Variants in LY6G5C observed in about 807,000 individuals in gnomAD.
LY6G5C encodes the protein lymphocyte antigen 6 family member G5C.
A neutral mutation model predicts 10.5 loss-of-function variants in LY6G5C; 6 were observed. The observed-to-expected ratio is 0.57, with a 90% CI of 0.31 to 1.12. The LOEUF is 1.12. LY6G5C is among the 50% of genes most tolerant of loss of function. The pLI is 0.05. For missense variants in LY6G5C, 160 were observed against 185.5 expected, an observed-to-expected ratio of 0.86 and a Z score of 0.80; for synonymous variants, 69 against 67.8, an observed-to-expected ratio of 1.02 and a Z score of -0.09.
intron 2 of LY6G5C, among the ~76,000 whole-genome samples, chr6:31,678,019 G>C (rs1802676821): frequency 6.6e-6 from 1 of 152,302 alleles, no homozygotes; most frequent in South Asian, 2.1e-4. Context: ...AGTGGTTGTT[G>C]AGAGCACCAT....
rs774348019 is a variant in LY6G5C, at chr6:31,679,298, C to G, written c.122-30G>C. ...AACACAGAGAAGTGCTGACCCCACT[C>G]ACACCCCATTCTACCTCACACCCTA... is the stretch of plus-strand genomic sequence containing the variant. On this transcript the variant is annotated intron_variant, in intron 1 of 2. Coordinates refer to ENST00000383237, the Ensembl canonical transcript of LY6G5C. This position sits in a 1 kb window ranked among gnomAD's most constrained non-coding sequence, Gnocchi z 4.4. The G allele has an allele frequency of 1.9e-6, 3 of 1,612,640 alleles. No individual in the cohort carries two copies. The African/African-American group carries it at 4.0e-5, about 22-fold the overall frequency.
chr6:31,680,461 G>A, upstream of LY6G5C: 1 of 1,456,142 alleles, frequency 6.9e-7, no homozygotes, highest in Non-Finnish European at 9.2e-7. This position sits in a 1 kb window ranked among gnomAD's most constrained non-coding sequence, Gnocchi z 4.5. Context: ...AGCTCAGGGT[G>A]GAAATCAGTG....
In LY6G5C at chr6:31,679,013, G is replaced by T; in HGVS notation, c.289+88C>A. ...TTGGAGCAATGTCTTATGGGATTAT[G>T]GGAACAAGACTTGGGGTGCAGCTTA... On this transcript the variant is annotated intron_variant, in intron 2 of 2. Transcript: ENST00000383237. This position sits in a 1 kb window ranked among gnomAD's most constrained non-coding sequence, Gnocchi z 4.4. The T allele has an allele frequency of 7.3e-7, 1 of 1,374,472 alleles. No homozygotes were observed. Among genetic ancestry groups the T allele is most frequent in the South Asian group, 1.2e-5 (1 of 84,828 alleles). 85.1% of individuals were successfully genotyped at this position (1,374,472 alleles called of 1,614,324 possible).
intron 2 of LY6G5C, 92 bp from the exon 3 acceptor site, chr6:31,677,212 G>T: frequency 7.8e-7 from 1 of 1,282,870 alleles, no homozygotes. Context: ...AAAAAAAAAA[G>T]AAAAAGAAAA....
In LY6G5C at chr6:31,680,325, A is replaced by G; in HGVS notation, c.49T>C (p.Cys17Arg). ...AGGGCTTGGGGGCTGCTGTGGAAGC[A>G]CAGGGGACCCAGACTCTGGCTCCCT... is the stretch of plus-strand genomic sequence containing the variant. Residue 17 changes from cysteine to arginine, a missense_variant, in exon 1 of 3, where the codon TGC (cysteine) becomes CGC (arginine). Coordinates refer to ENST00000383237, the Ensembl canonical transcript of LY6G5C. The surrounding 1 kb of genome is among the most constrained non-coding windows in gnomAD (Gnocchi z 4.5). 6.2e-7 allele frequency: 1 copy of G among 1,611,600 alleles called. No homozygotes were observed. Among genetic ancestry groups the G allele is most frequent in the Non-Finnish European group, 8.5e-7 (1 of 1,179,954 alleles).
At chr6:31,680,649 G>T (rs889326903), upstream of LY6G5C, among the ~76,000 whole-genome samples, 1 of 152,238 alleles carries the variant, frequency 6.6e-6, no homozygotes, top group African/African-American at 2.4e-5. This position sits in a 1 kb window ranked among gnomAD's most constrained non-coding sequence, Gnocchi z 4.5. Context: ...CCTGCACAAA[G>T]TCTCCACCCT....
At chr6:31,681,020 A>C (rs1355383454), upstream of LY6G5C, among the ~76,000 whole-genome samples, 11 of 151,042 alleles carry the variant, frequency 7.3e-5, no homozygotes, top group Non-Finnish European at 1.3e-4. Context: ...GTAGGCTTGC[A>C]CAAGGAAGTG....
At chr6:31,676,861 G>T in exon 3 of LY6G5C, 1 of 1,239,592 alleles carries the variant, frequency 8.1e-7, no homozygotes, top group Non-Finnish European at 1.2e-6. Context: ...AGGAGGGCTG[G>T]TATGAGGGAC....
At position 31,679,365 on chromosome 6, in the gene LY6G5C, C is replaced by G; in HGVS notation, c.122-97G>C. ...GGCCACTCAGCCCCACTCCTCCCTC[C>G]CTTCCTGTCTCAGAAAACCATCAAA... On this transcript the variant is annotated intron_variant, in intron 1 of 2. Transcript: ENST00000383237. This position sits in a 1 kb window ranked among gnomAD's most constrained non-coding sequence, Gnocchi z 4.4. The G allele has an allele frequency of 7.4e-7, 1 of 1,351,396 alleles. No individual in the cohort carries two copies. Among genetic ancestry groups the G allele is most frequent in the Non-Finnish European group, 1.1e-6 (1 of 951,452 alleles). 83.7% of individuals were successfully genotyped at this position (1,351,396 alleles called of 1,614,324 possible).
In LY6G5C at chr6:31,680,324, C is replaced by A; in HGVS notation, c.50G>T (p.Cys17Phe). 1.2e-6 allele frequency: 2 copies of A among 1,611,432 alleles called. No individual in the cohort carries two copies. The highest frequency in any genetic ancestry group is 8.5e-7 in the Non-Finnish European group (1 of 1,179,806). ...GAGGGCTTGGGGGCTGCTGTGGAAGCACAGGGGACCCAGACTCTGGCTCCC... is the reference window on the plus strand; with the variant it reads ...GAGGGCTTGGGGGCTGCTGTGGAAGAACAGGGGACCCAGACTCTGGCTCCC... Residue 17 changes from cysteine (C) to phenylalanine (F), a missense_variant, in exon 1 of 3, where the codon TGC becomes TTC. Coordinates refer to ENST00000383237, the Ensembl canonical transcript of LY6G5C. This position sits in a 1 kb window ranked among gnomAD's most constrained non-coding sequence, Gnocchi z 4.5.
In LY6G5C at chr6:31,679,977, G is replaced by A. The variant is rs1802792802; in HGVS notation, c.121+276C>T. 2 of 305,280 alleles carry A rather than the reference G, an allele frequency of 6.6e-6. No individual in the cohort carries two copies. The highest frequency in any genetic ancestry group is 6.3e-6 in the Non-Finnish European group (1 of 159,530). The allele number at this position is 305,280 out of a possible 1,614,324, so 18.9% of individuals were successfully genotyped here. ...CATGAGAATCGCTTGAACCCGGGAG[G>A]TGGAGGTTGCAGTGAGCCGAGATCT... On this transcript the variant is annotated intron_variant, in intron 1 of 2. Transcript: ENST00000383237. This position sits in a 1 kb window ranked among gnomAD's most constrained non-coding sequence, Gnocchi z 4.4.
intron 2 of LY6G5C, among the ~76,000 whole-genome samples, chr6:31,678,664 G>C (rs1381179336): frequency 6.6e-6 from 1 of 152,154 alleles, no homozygotes; most frequent in Non-Finnish European, 1.5e-5. Flanking sequence ...TGGAAGTGGA[G>C]ACAGAGTGTG....
chr6:31,678,220 G>A (rs1802687004), intron 2 of LY6G5C, among the ~76,000 whole-genome samples: 1 of 152,222 alleles, frequency 6.6e-6, no homozygotes, highest in Non-Finnish European at 1.5e-5. Flanking sequence ...AAGGTGGGGG[G>A]TCGGTGGAAG....
chr6:31,678,568 C>T (rs1173186451), intron 2 of LY6G5C, among the ~76,000 whole-genome samples: 1 of 152,140 alleles, frequency 6.6e-6, no homozygotes, highest in African/African-American at 2.4e-5. Flanking sequence ...GGCAAGGGCA[C>T]CTGGAGATCT....
chr6:31,680,480 G>A, upstream of LY6G5C: 1 of 1,321,542 alleles, frequency 7.6e-7, no homozygotes, highest in South Asian at 1.5e-5. The surrounding 1 kb of genome is among the most constrained non-coding windows in gnomAD (Gnocchi z 4.5). Flanking sequence ...TGCCAGACCA[G>A]CCAGAGGGGC....
chr6:31,677,744 C>T (rs954149867), intron 2 of LY6G5C, among the ~76,000 whole-genome samples: 6 of 152,058 alleles, frequency 3.9e-5, no homozygotes, highest in African/African-American at 1.4e-4. Context: ...CAGTGGGATG[C>T]TACTATCTTG....
chr6:31,680,160 T>C lies in LY6G5C; in HGVS notation c.121+93A>G, dbSNP rs1297082953. 6.6e-7 allele frequency: 1 copy of C among 1,521,236 alleles called. No individual in the cohort carries two copies. Among genetic ancestry groups the C allele is most frequent in the South Asian group, 1.1e-5 (1 of 88,220 alleles). 94.2% of individuals were successfully genotyped at this position (1,521,236 alleles called of 1,614,324 possible). The stretch of plus-strand genomic sequence containing the variant: ...ATCTCTCCTCCTGCATGGGTTTACC[T>C]GAGCATCCTGGACAGGTGTACCCAG... On this transcript the variant is annotated intron_variant, in intron 1 of 2. Coordinates refer to ENST00000383237, the Ensembl canonical transcript of LY6G5C. The surrounding 1 kb of genome is among the most constrained non-coding windows in gnomAD (Gnocchi z 4.5).
At chr6:31,677,185 C>T (rs1802628100) in intron 2 of LY6G5C, 65 bp from the exon 3 acceptor site, 3 of 1,492,344 alleles carry the variant, frequency 2.0e-6, no homozygotes, top group African/African-American at 2.8e-5. Context: ...ATCCTCTCAT[C>T]CCCACACTCA....
chr6:31,677,085 T>G, exon 3 of LY6G5C: 1 of 1,612,938 alleles, frequency 6.2e-7, no homozygotes, highest in Non-Finnish European at 8.5e-7. Context: ...TGCTCCTTAC[T>G]TCGGCAGTCA....
Sources: gnomAD v4.1 joint callset for allele counts (sites outside exome capture counted in the v4.1 genomes callset) on GRCh38, gnomAD v4.1.1 for gene constraint, Gnocchi (gnomAD v3.1) non-coding constraint, MANE v1.5 for transcripts, NCBI Gene and HGNC (gene_info 2026-07-23, HGNC 2026-07-21) for gene names.